CSMD1: variants seen among roughly 807,000 people sequenced by gnomAD.
CSMD1 encodes the protein CUB and Sushi multiple domains 1.
CSMD1 carries 213 observed loss-of-function variants against 417.5 expected under a neutral mutation model. The observed-to-expected ratio is 0.51, with a 90% CI of 0.46 to 0.57. CSMD1 has a LOEUF of 0.57. CSMD1 is among the 20% of genes least tolerant of loss of function. The pLI is 0.00. For missense variants in CSMD1, 6,923 were observed against 4,529.7 expected (o/e 1.53, Z -15.17); for synonymous variants, 2,862 against 1,736.8 (o/e 1.65, Z -16.11).
At chr8:4,461,734 TTTAC>T (rs1585116526) in intron 2 of CSMD1, among the ~76,000 whole-genome samples, 1 of 108,904 alleles carries the variant, frequency 9.2e-6, no homozygotes, top group East Asian at 2.9e-4. Flanking sequence ...TTATTATTTA[TTTAC>T]TTATTTTTTT....
At chr8:4,516,388 T>C (rs1803125164) in intron 2 of CSMD1, among the ~76,000 whole-genome samples, 1 of 152,168 alleles carries the variant, frequency 6.6e-6, no homozygotes, top group African/African-American at 2.4e-5. Context: ...CATGGCAGCC[T>C]GAGACTAACA....
At chr8:3,746,410 A>G (rs911211657) in intron 6 of CSMD1, among the ~76,000 whole-genome samples, 5 of 152,252 alleles carry the variant, frequency 3.3e-5, no homozygotes, top group Admixed American at 2.0e-4. Flanking sequence ...TCCAATGTCA[A>G]CCACATTTCA....
intron 3 of CSMD1, among the ~76,000 whole-genome samples, chr8:4,293,528 C>A (rs191529462): frequency 1.1e-3 from 175 of 152,198 alleles, no homozygotes; most frequent in African/African-American, 4.1e-3. Flanking sequence ...GAACACTAAC[C>A]ATGAAATAGA....
At chr8:3,844,861 A>C (rs1164195022) in intron 5 of CSMD1, among the ~76,000 whole-genome samples, 6 of 152,176 alleles carry the variant, frequency 3.9e-5, no homozygotes, top group Non-Finnish European at 8.8e-5. Context: ...TGTCTCTTAA[A>C]ATTTAAAACT....
At chr8:3,284,458 G>A (rs1015377067) in intron 25 of CSMD1, 112 bp from the exon 26 acceptor site, 15 of 727,770 alleles carry the variant, frequency 2.1e-5, no homozygotes, top group Non-Finnish European at 3.3e-5. Flanking sequence ...ACCAACATGT[G>A]CCTCGGTACT....
At chr8:4,134,831 C>G (rs1364190229) in intron 3 of CSMD1, among the ~76,000 whole-genome samples, 2 of 152,178 alleles carry the variant, frequency 1.3e-5, no homozygotes, top group Non-Finnish European at 2.9e-5. Flanking sequence ...TTGGCCTTGG[C>G]TGTTGAAAAT....
chr8:3,716,040 G>C (rs1183290778), intron 6 of CSMD1, among the ~76,000 whole-genome samples: 1 of 152,050 alleles, frequency 6.6e-6, no homozygotes, highest in Non-Finnish European at 1.5e-5. Flanking sequence ...TAAATATTTT[G>C]GTCGAATGTC....
At chr8:3,337,072 G>A (rs1159893048) in intron 23 of CSMD1, among the ~76,000 whole-genome samples, 1 of 152,040 alleles carries the variant, frequency 6.6e-6, no homozygotes, top group Non-Finnish European at 1.5e-5. Flanking sequence ...AGGCCTTGCT[G>A]TCCCCCTGCC....
At chr8:3,213,607 T>G (rs918480842) in intron 30 of CSMD1, among the ~76,000 whole-genome samples, 1 of 152,086 alleles carries the variant, frequency 6.6e-6, no homozygotes, top group African/African-American at 2.4e-5. Context: ...GGAAATGACA[T>G]ATCCATTTAA....
At chr8:4,100,771 G>C (rs1413648824) in intron 3 of CSMD1, among the ~76,000 whole-genome samples, 2 of 152,076 alleles carry the variant, frequency 1.3e-5, no homozygotes, top group South Asian at 2.1e-4. Context: ...TGAAGTCATC[G>C]ATCTTACCTT....
chr8:3,603,666 C>A (rs192769811), intron 8 of CSMD1, among the ~76,000 whole-genome samples: 32 of 152,274 alleles, frequency 2.1e-4, no homozygotes, highest in African/African-American at 6.7e-4. Flanking sequence ...AGAAACCAAA[C>A]TTGAATGTTT....
chr8:4,678,472 A>T (rs1805833636), intron 1 of CSMD1, among the ~76,000 whole-genome samples: 1 of 152,194 alleles, frequency 6.6e-6, no homozygotes, highest in Non-Finnish European at 1.5e-5. Context: ...ATTATCATTT[A>T]TATGGCCAGG....
intron 2 of CSMD1, among the ~76,000 whole-genome samples, chr8:4,519,349 TAAAAA>T (rs1327907855): frequency 1.3e-5 from 2 of 151,788 alleles, no homozygotes; most frequent in Non-Finnish European, 2.9e-5. Context: ...ATAAAAATGA[TAAAAA>T]AGAAAAGAAT....
chr8:4,376,150 C>T (rs969711762), intron 3 of CSMD1, among the ~76,000 whole-genome samples: 1 of 152,196 alleles, frequency 6.6e-6, no homozygotes, highest in Non-Finnish European at 1.5e-5. Context: ...ACTTTATGCT[C>T]TAACATCAAG....
intron 2 of CSMD1, among the ~76,000 whole-genome samples, chr8:4,580,174 T>G (rs1299614306): frequency 2.6e-5 from 4 of 152,198 alleles, no homozygotes; most frequent in Non-Finnish European, 5.9e-5. Flanking sequence ...TCAACTGTTA[T>G]GTAAACTTCA....
At chr8:4,750,690 C>T (rs994017820) in intron 1 of CSMD1, among the ~76,000 whole-genome samples, 1 of 151,226 alleles carries the variant, frequency 6.6e-6, no homozygotes, top group African/African-American at 2.4e-5. Context: ...TGTGATTAAA[C>T]TGTGTATTGA....
At chr8:3,733,863 A>G (rs970954569) in intron 6 of CSMD1, among the ~76,000 whole-genome samples, 3 of 152,178 alleles carry the variant, frequency 2.0e-5, no homozygotes, top group South Asian at 4.1e-4. Context: ...CCGTTTATAA[A>G]TTAAACTTTA....
rs71534362 is a variant in CSMD1, at chr8:3,609,811, C to CTTTTTTTTTTT, written c.1097+6888_1097+6898dup. ...AAAAGACTGTTAAAAAGTATCTTCCCTTTTTTTTTTTTTTTTTTTTTTTTT... is the reference window on the plus strand; with the variant it reads ...AAAAGACTGTTAAAAAGTATCTTCCCTTTTTTTTTTTTTTTTTTTTTTTTTTTTTTTTTTTT... On this transcript the variant is annotated intron_variant, in intron 8 of 69. Coordinates refer to ENST00000635120, the MANE Select transcript of CSMD1 (RefSeq NM_033225.6). Among the ~76,000 whole-genome samples, 16 of 75,272 alleles carry CTTTTTTTTTTT rather than the reference C, an allele frequency of 2.1e-4. 1 individual carries two copies. Among genetic ancestry groups the CTTTTTTTTTTT allele is most frequent in the African/African-American group, 2.0e-4 (4 of 20,142 alleles). 49.4% of individuals were successfully genotyped at this position (75,272 alleles called of 152,430 possible). A position where few individuals can be genotyped will look rare whatever the true frequency, so the allele number is the denominator to read the frequency against.
At chr8:4,469,201 C>T (rs943489871) in intron 2 of CSMD1, among the ~76,000 whole-genome samples, 4 of 152,136 alleles carry the variant, frequency 2.6e-5, no homozygotes, top group Admixed American at 1.3e-4. Flanking sequence ...CTAGAAATTA[C>T]CTCTCCAAGG....
Sources: gnomAD v4.1 joint callset for allele counts (sites outside exome capture counted in the v4.1 genomes callset) on GRCh38, gnomAD v4.1.1 for gene constraint, MANE v1.5 for transcripts, NCBI Gene and HGNC (gene_info 2026-07-23, HGNC 2026-07-21) for gene names.